Variants in DNAI3 observed in about 807,000 individuals in gnomAD.
The protein encoded by DNAI3 is WD repeat domain 63.
DNAI3 carries 83 observed loss-of-function variants against 115.5 expected under a neutral mutation model. That is an observed-to-expected ratio of 0.72 (90% CI 0.60 to 0.86). DNAI3 has a LOEUF of 0.86. Ranked by LOEUF, DNAI3 falls within the 40% of genes least tolerant of loss-of-function variation. The pLI is 0.00. For missense variants in DNAI3, 1,004 were observed against 1,075.8 expected, an observed-to-expected ratio of 0.93 and a Z score of 0.93; for synonymous variants, 320 against 347.0, an observed-to-expected ratio of 0.92 and a Z score of 0.86.
chr1:85,071,099 G>A (rs1037539093), intron 1 of DNAI3, among the ~76,000 whole-genome samples: 4 of 152,194 alleles, frequency 2.6e-5, no homozygotes, highest in Non-Finnish European at 5.9e-5. Flanking sequence ...ATTTCATTAA[G>A]TCTTCACAAT....
chr1:85,089,581 G>A (rs75095710), intron 7 of DNAI3, among the ~76,000 whole-genome samples: 3,136 of 151,364 alleles, frequency 0.021, 48 homozygotes, highest in Middle Eastern at 0.034. Flanking sequence ...TGACATTTGG[G>A]GCTGGATAAT....
intron 11 of DNAI3, among the ~76,000 whole-genome samples, chr1:85,096,511 T>TTATA (rs773006375): frequency 4.5e-3 from 560 of 123,788 alleles, no homozygotes; most frequent in African/African-American, 0.015. Context: ...TATATAAAGA[T>TTATA]TATATATAAA....
chr1:85,066,025 A>G (rs1654086427), intron 1 of DNAI3, among the ~76,000 whole-genome samples: 1 of 152,226 alleles, frequency 6.6e-6, no homozygotes, highest in African/African-American at 2.4e-5. Flanking sequence ...CACTTTTGTC[A>G]ACCTCTAATG....
Position 85,087,963 on chromosome 1 carries a change from C to T in DNAI3, c.740+1933C>T, listed in dbSNP as rs924457487. ...CCAAAAGTTGGGCCAAGAAATGAGT[C>T]AGAAACAAGAGAAGAAGATGAACAG... On this transcript the variant is annotated intron_variant, in intron 7 of 22. Coordinates refer to ENST00000294664, the MANE Select transcript of DNAI3 (RefSeq NM_145172.5). Among the ~76,000 whole-genome samples the T allele has an allele frequency of 5.9e-5, 9 of 151,882 alleles. No individual in the cohort carries two copies. In the South Asian group the frequency reaches 6.2e-4, roughly 11 times the overall value.
At chr1:85,089,946 T>G (rs1297257547) in intron 7 of DNAI3, among the ~76,000 whole-genome samples, 170 bp from the exon 8 acceptor site, 1 of 152,154 alleles carries the variant, frequency 6.6e-6, no homozygotes, top group Admixed American at 6.5e-5. Flanking sequence ...AGCCTTTGAA[T>G]AGTGGTCAAT....
chr1:85,072,670 G>T (rs971619136), intron 2 of DNAI3, among the ~76,000 whole-genome samples: 24 of 102,424 alleles, frequency 2.3e-4, no homozygotes, highest in African/African-American at 8.6e-4. Context: ...ATAAAAAAAA[G>T]ATTGGCCGGG....
Position 85,085,884 on chromosome 1 carries a change from C to T in DNAI3, c.594C>T (p.Phe198=), listed in dbSNP as rs1285962628. ...KRSEFGAPIK[F]SDQNASSVKD... ...GTGAATTTGGTGCACCAATTAAGTT[C>T]AGTGACCAGAATGCTTCCAGTGTAA... Residue 198 remains phenylalanine (F), a synonymous_variant, in exon 7 of 23, where the codon TTC becomes TTT. Transcript: ENST00000294664. The T allele has an allele frequency of 1.2e-6, 2 of 1,614,174 alleles. No individual in the cohort carries two copies. Among genetic ancestry groups the T allele is most frequent in the South Asian group, 1.1e-5 (1 of 91,082 alleles).
chr1:85,090,683 C>T (rs988952033), intron 8 of DNAI3, among the ~76,000 whole-genome samples: 1 of 152,168 alleles, frequency 6.6e-6, no homozygotes, highest in African/African-American at 2.4e-5. Flanking sequence ...ACATTTCACT[C>T]TTATCACCAA....
chr1:85,098,393 G>A lies in DNAI3; in HGVS notation c.1351-137G>A, dbSNP rs191301805. 3.6e-4 allele frequency: 372 copies of A among 1,023,914 alleles called. 1 individual carries two copies. The Middle Eastern group carries it at 4.6e-3, about 13-fold the overall frequency. The allele number at this position is 1,023,914 out of a possible 1,614,324, so 63.4% of individuals were successfully genotyped here. ...TCCTATTACCTAAATATATGATATA[G>A]AGAAACACTAATTTATGTTTTTCCT... On this transcript the variant is annotated intron_variant, in intron 12 of 22. Coordinates refer to ENST00000294664, the MANE Select transcript of DNAI3 (RefSeq NM_145172.5).
At chr1:85,083,809 A>G (rs1280894225) in intron 5 of DNAI3, among the ~76,000 whole-genome samples, 3 of 152,060 alleles carry the variant, frequency 2.0e-5, no homozygotes, top group African/African-American at 7.2e-5. Context: ...CCTATAAGGA[A>G]CCATTATTCT....
chr1:85,077,089 A>G (rs142262530), intron 3 of DNAI3, among the ~76,000 whole-genome samples: 46 of 152,376 alleles, frequency 3.0e-4, no homozygotes, highest in African/African-American at 1.1e-3. Flanking sequence ...TCTTTTTACT[A>G]TAAAAAGATA....
intron 20 of DNAI3, 88 bp from the exon 21 acceptor site, chr1:85,128,620 A>G (rs1656219579): frequency 8.8e-7 from 1 of 1,132,742 alleles, no homozygotes; most frequent in South Asian, 1.4e-5. Context: ...TTGGGAGAAC[A>G]CAAAACAAAA....
At chr1:85,110,163 A>G in intron 16 of DNAI3, 28 bp downstream of exon 16, 1 of 1,603,984 alleles carries the variant, frequency 6.2e-7, no homozygotes, top group South Asian at 1.1e-5. Flanking sequence ...TTTAAAAAAA[A>G]AAAAAAGGCC....
chr1:85,067,193 C>T (rs1654127171), intron 1 of DNAI3, among the ~76,000 whole-genome samples: 1 of 152,120 alleles, frequency 6.6e-6, no homozygotes, highest in African/African-American at 2.4e-5. Context: ...AGATATTATG[C>T]TTTTTAGTGA....
At chr1:85,124,597 C>A (rs573525641) in intron 19 of DNAI3, among the ~76,000 whole-genome samples, 7 of 152,144 alleles carry the variant, frequency 4.6e-5, no homozygotes, top group African/African-American at 7.2e-5. Flanking sequence ...GTGGCGTGAT[C>A]TCTGCTCACT....
At chr1:85,089,426 G>T (rs1487712908) in intron 7 of DNAI3, among the ~76,000 whole-genome samples, 1 of 148,112 alleles carries the variant, frequency 6.8e-6, no homozygotes, top group Non-Finnish European at 1.5e-5. Context: ...AAAGCCCAGA[G>T]GTACAATGCC....
At position 85,108,176 on chromosome 1, in the gene DNAI3, A is replaced by G. The variant is rs1462883147; in HGVS notation, c.1697A>G (p.Lys566Arg). 3 of 1,586,766 alleles carry G rather than the reference A, an allele frequency of 1.9e-6. No individual in the cohort carries two copies. In the African/African-American group the frequency reaches 4.1e-5, roughly 22 times the overall value. ...GATCTCTCCTGGAAACCTCTCACTA[A>G]GGTAAGTAATGTGGGGTTTTTAGTC... ...HLDLSWKPLT[K>R]VRLSKGETSL... The change falls in exon 15 of 23, where the codon AAG becomes AGG. Residue 566 changes from lysine to arginine, a missense_variant and splice_region_variant. Around this residue, in one of 3 missense-constraint regions of DNAI3, gnomAD observed 429 missense variants for 454.3 expected, o/e 0.94. Transcript: ENST00000294664.
At chr1:85,120,286 G>C (rs1325266648) in intron 17 of DNAI3, among the ~76,000 whole-genome samples, 1 of 152,208 alleles carries the variant, frequency 6.6e-6, no homozygotes, top group African/African-American at 2.4e-5. Context: ...GCTGGCGTGG[G>C]CTGAGGGAAG....
intron 8 of DNAI3, among the ~76,000 whole-genome samples, chr1:85,091,349 C>T (rs1654967934): frequency 1.3e-5 from 2 of 152,148 alleles, no homozygotes; most frequent in Non-Finnish European, 2.9e-5. Context: ...TTTTATTCTT[C>T]CCTCTGAATT....
Sources: allele counts gnomAD v4.1 joint callset (sites outside exome capture counted in the v4.1 genomes callset), GRCh38; gene constraint gnomAD v4.1.1; regional missense constraint gnomAD v4.1.1; transcripts MANE v1.5; gene names NCBI Gene and HGNC (gene_info 2026-07-23, HGNC 2026-07-21).